The following PLEC variants were observed in gnomAD, a reference collection of about 807,000 sequenced individuals.
The protein encoded by PLEC is plectin.
PLEC carries 216 observed loss-of-function variants against 392.8 expected under a neutral mutation model. That is an observed-to-expected ratio of 0.55 (90% CI 0.49 to 0.62). The LOEUF is 0.62. PLEC is among the 20% of genes least tolerant of loss of function. The pLI is 0.00. For missense variants in PLEC, 6,863 were observed against 6,563.4 expected (o/e 1.05, Z -1.58); for synonymous variants, 3,621 against 2,980.6 (o/e 1.21, Z -7.00).
At position 143,929,940 on chromosome 8, in the gene PLEC, G is replaced by A. The variant is rs887906897; in HGVS notation, c.2735C>T (p.Ala912Val). The A allele has an allele frequency of 6.2e-7, 1 of 1,610,076 alleles. No individual in the cohort carries two copies. Among genetic ancestry groups the A allele is most frequent in the Non-Finnish European group, 8.5e-7 (1 of 1,179,492 alleles). ...CCGGCTCGGGGGCAGGCGTACCGTG[G>A]CCAGGGACCAGGAGCGGATGAGCTG... ...DVQLIRSWSL[A>V]TFRTLKPEEQ... Residue 912 changes from alanine (A) to valine (V), a missense_variant, in exon 22 of 32, where the codon GCC becomes GTC. By Grantham distance (64) the Ala-to-Val change is moderately conservative. Coordinates refer to ENST00000345136, the MANE Select transcript of PLEC (RefSeq NM_201384.3).
intron 24 of PLEC, 66 bp from the exon 25 acceptor site, chr8:143,929,347 A>G (rs1826357707): frequency 1.9e-6 from 3 of 1,581,510 alleles, no homozygotes; most frequent in Middle Eastern, 1.7e-4. Context: ...CTTGAAGGCC[A>G]AAGGAGGGAG....
chr8:143,935,816 G>A, intron 6 of PLEC, 32 bp downstream of exon 6: 5 of 1,609,370 alleles, frequency 3.1e-6, no homozygotes, highest in Non-Finnish European at 4.2e-6. Context: ...GGTGCCCCCA[G>A]CCCACAGCCC....
At position 143,918,121 on chromosome 8, in the gene PLEC, C is replaced by T. The variant is rs782549072; in HGVS notation, c.11700G>A (p.Ser3900=). 1.8e-5 allele frequency: 28 copies of T among 1,598,332 alleles called. No homozygotes were observed. The highest frequency in any genetic ancestry group is 2.2e-5 in the East Asian group (1 of 44,744). ...KQITMEELVR[S]QVMDEATALQ... ...GCGCCGTGGCCTCGTCCATGACCTG[C>T]GAGCGCACCAGCTCCTCCATGGTGA... is the stretch of plus-strand genomic sequence containing the variant. The change falls in exon 32 of 32, where the codon TCG becomes TCA. Residue 3900 remains serine, a synonymous_variant. Coordinates refer to ENST00000345136, the MANE Select transcript of PLEC (RefSeq NM_201384.3).
At chr8:143,938,043 G>T in intron 3 of PLEC, 108 bp downstream of exon 3, 1 of 779,968 alleles carries the variant, frequency 1.3e-6, no homozygotes, top group Non-Finnish European at 2.2e-6. Context: ...GAGGGGTTGA[G>T]CTGGATTCCA....
At chr8:143,976,125 C>T (rs1195210491), upstream of PLEC, among the ~76,000 whole-genome samples, 1 of 152,224 alleles carries the variant, frequency 6.6e-6, no homozygotes, top group Non-Finnish European at 1.5e-5. Flanking sequence ...GCGTGGGCCG[C>T]GGGAGCTCTG....
intron 1 of PLEC, 49 bp from the exon 2 acceptor site, chr8:143,938,741 G>A: frequency 6.5e-7 from 1 of 1,545,660 alleles, no homozygotes; most frequent in South Asian, 1.1e-5. Context: ...AAGCCCCGGG[G>A]GCCCTCAGGT....
At position 143,929,583 on chromosome 8, in the gene PLEC, A is replaced by G. The variant is rs1244129345; in HGVS notation, c.2924-12T>C. On this transcript the variant is annotated splice_polypyrimidine_tract_variant and intron_variant, in intron 23 of 31. Coordinates refer to ENST00000345136, the MANE Select transcript of PLEC (RefSeq NM_201384.3). ...CTCTTCCTGTGCACCTGGGGAACAC[A>G]TGTGGGTCACTCCACCGCCCACCTC... 1.2e-6 allele frequency: 2 copies of G among 1,612,070 alleles called. 1 individual carries two copies. The highest frequency in any genetic ancestry group is 1.7e-6 in the Non-Finnish European group (2 of 1,179,876).
At position 143,924,712 on chromosome 8, in the gene PLEC, C is replaced by T. The variant is rs934111999; in HGVS notation, c.5217G>A (p.Leu1739=). 1.3e-5 allele frequency: 20 copies of T among 1,534,146 alleles called. No homozygotes were observed. Among genetic ancestry groups the T allele is most frequent in the Non-Finnish European group, 1.6e-5 (18 of 1,145,998 alleles). The change falls in exon 31 of 32, where the codon CTG becomes CTA. Residue 1739 remains leucine, a synonymous_variant. Transcript: ENST00000345136. ...GCGTGGCTGCAGCCGCCTCACGCTG[C>T]AGCCGGGCCAGCTCCTCCTCCAGCA... ...RQLLEEELAR[L]QREAAAATQK...
rs1554680911 is a variant in PLEC at position 143,920,174 on chromosome 8, G to A, written c.9647C>T (p.Ala3216Val). Residue 3216 changes from alanine (A) to valine (V), a missense_variant, in exon 32 of 32, where the codon GCT becomes GTT. Physicochemically the swap from Ala to Val is moderately conservative, Grantham distance 64 (BLOSUM62 0). Coordinates refer to ENST00000345136, the MANE Select transcript of PLEC (RefSeq NM_201384.3). ...GLSLLPLSEK[A>V]ARARQEELYS... ...GAGCTCCTCCTGCCGGGCCCGAGCA[G>A]CCTTTTCTGAGAGCGGCAGCAGGCT... The A allele has an allele frequency of 5.0e-6, 8 of 1,612,248 alleles. No homozygotes were observed. Among genetic ancestry groups the A allele is most frequent in the Admixed American group, 1.7e-5 (1 of 60,016 alleles).
In PLEC at chr8:143,939,228, C is replaced by T. The variant is rs1829912461; in HGVS notation, c.112+122G>A. ...GTGTTGGGTGGGGATGGCTGGCCCC[C>T]GACCCCCATCTCCAAGACCAGCCCC... is the stretch of plus-strand genomic sequence containing the variant. On this transcript the variant is annotated intron_variant, in intron 1 of 31. Transcript: ENST00000345136. 2.0e-5 allele frequency: 27 copies of T among 1,347,546 alleles called. No homozygotes were observed. In the South Asian group the frequency reaches 2.2e-4, roughly 11 times the overall value. 83.5% of individuals were successfully genotyped at this position (1,347,546 alleles called of 1,614,324 possible). A position where few individuals can be genotyped will look rare whatever the true frequency, so the allele number is the denominator to read the frequency against.
At chr8:143,954,776 A>G (rs1377516646), upstream of PLEC, among the ~76,000 whole-genome samples, 2 of 151,972 alleles carry the variant, frequency 1.3e-5, no homozygotes, top group Non-Finnish European at 2.9e-5. This position sits in a 1 kb window ranked among gnomAD's most constrained non-coding sequence, Gnocchi z 4.6. Context: ...CCCCTTCAAC[A>G]CTGGCCCCGG....
chr8:143,951,521 A>T (rs899031200), upstream of PLEC, among the ~76,000 whole-genome samples: 5 of 152,092 alleles, frequency 3.3e-5, no homozygotes, highest in Admixed American at 2.0e-4. Context: ...TGGCCACTCA[A>T]GTTAACACTT....
chr8:143,957,189 A>G (rs1832641004), upstream of PLEC, among the ~76,000 whole-genome samples: 1 of 152,196 alleles, frequency 6.6e-6, no homozygotes, highest in African/African-American at 2.4e-5. Flanking sequence ...GAGCTGGGGT[A>G]GAGGAAGCTG....
chr8:143,917,144 G>T lies in PLEC; in HGVS notation c.12677C>A (p.Thr4226Lys). 2.5e-6 allele frequency: 4 copies of T among 1,604,758 alleles called. No homozygotes were observed. The highest frequency in any genetic ancestry group is 3.4e-6 in the Non-Finnish European group (4 of 1,172,824). Residue 4226 changes from threonine to lysine, a missense_variant, in exon 32 of 32, where the codon ACG becomes AAG. Thr to Lys is a moderately conservative substitution (Grantham distance 78, BLOSUM62 -1). Transcript: ENST00000345136. ...RSALDQYRAG[T>K]LSITEFADML... ...GTCGGCGAACTCGGTGATGGAGAGC[G>T]TGCCGGCGCGGTACTGGTCCAGTGC...
chr8:143,954,426 C>T (rs1272496761), upstream of PLEC, among the ~76,000 whole-genome samples: 1 of 152,212 alleles, frequency 6.6e-6, no homozygotes, highest in Non-Finnish European at 1.5e-5. The surrounding 1 kb of genome is among the most constrained non-coding windows in gnomAD (Gnocchi z 4.6). Context: ...TGGTCTCTGC[C>T]TCTCCCACCC....
Position 143,920,923 on chromosome 8 carries a change from C to T in PLEC, c.8898G>A (p.Gln2966=). ...CAAAGCAAAGCCGGCCCTTCTGCTC[C>T]TGCTCCTCCACCACCGTGATGATGA... ...IKIIITVVEE[Q]EQKGRLCFEG... is the part of the protein sequence containing the mutation. The change falls in exon 32 of 32, where the codon CAG becomes CAA. Residue 2966 remains glutamine (Q), a synonymous_variant. Coordinates refer to ENST00000345136, the MANE Select transcript of PLEC (RefSeq NM_201384.3). 1 of 1,612,754 alleles carries T rather than the reference C, an allele frequency of 6.2e-7. No homozygotes were observed. Among genetic ancestry groups the T allele is most frequent in the Non-Finnish European group, 8.5e-7 (1 of 1,180,042 alleles).
intron 23 of PLEC, 31 bp from the exon 24 acceptor site, chr8:143,929,602 C>A (rs1363825570): frequency 4.3e-6 from 7 of 1,611,022 alleles, no homozygotes; most frequent in South Asian, 1.1e-5. Flanking sequence ...ACTCCACCGC[C>A]CACCTCGCAC....
At chr8:143,943,282 G>T (rs1242099841), upstream of PLEC, among the ~76,000 whole-genome samples, 4 of 152,346 alleles carry the variant, frequency 2.6e-5, no homozygotes, top group South Asian at 2.1e-4. Context: ...GGGCACGGTT[G>T]CCACCTGGGA....
Position 143,922,777 on chromosome 8 carries a change from G to A in PLEC, c.7152C>T (p.Arg2384=), listed in dbSNP as rs1823315435. The stretch of plus-strand genomic sequence containing the variant: ...TCATCTCGGCCACACGCAGCTTGAG[G>A]CGCTCAGCCTCAGCGCTCATCTCCA... ...RQLEMSAEAE[R]LKLRVAEMSR... Residue 2384 remains arginine (R), a synonymous_variant, in exon 31 of 32, where the codon CGC becomes CGT. Transcript: ENST00000345136. 5 of 1,604,012 alleles carry A rather than the reference G, an allele frequency of 3.1e-6. No homozygotes were observed. The highest frequency in any genetic ancestry group is 4.2e-6 in the Non-Finnish European group (5 of 1,177,704).
Sources: gnomAD v4.1 joint callset for allele counts (sites outside exome capture counted in the v4.1 genomes callset) on GRCh38, gnomAD v4.1.1 for gene constraint, Gnocchi (gnomAD v3.1) non-coding constraint, MANE v1.5 for transcripts, NCBI Gene and HGNC (gene_info 2026-07-23, HGNC 2026-07-21) for gene names.